Variants in CSMD3 observed in about 807,000 individuals in gnomAD.
CSMD3 encodes the protein CUB and Sushi multiple domains 3.
Under a neutral mutation model 435.2 loss-of-function variants are expected in CSMD3, and 177 were observed. That is an observed-to-expected ratio of 0.41 (90% CI 0.36 to 0.46). The LOEUF is 0.46. Ranked by LOEUF, CSMD3 falls within the 20% of genes least tolerant of loss-of-function variation. The probability of loss-of-function intolerance (pLI) is 0.34; values close to 1 mark genes in which losing one functional copy is unlikely to be tolerated. For synonymous variants in CSMD3, 1,656 were observed against 1,520.5 expected (o/e 1.09, Z -2.07); for missense variants, 4,265 against 4,504.6 (o/e 0.95, Z 1.52).
chr8:113,229,488 A>C (rs1325741655), intron 3 of CSMD3, among the ~76,000 whole-genome samples: 1 of 146,440 alleles, frequency 6.8e-6, no homozygotes, highest in African/African-American at 2.5e-5. Flanking sequence ...TTTGCCAGCA[A>C]AAAAAAAAAA....
intron 5 of CSMD3, among the ~76,000 whole-genome samples, chr8:113,028,249 GCCCATGCA>G (rs2086952748): frequency 6.9e-6 from 1 of 145,416 alleles, no homozygotes; most frequent in African/African-American, 2.4e-5. Flanking sequence ...CACAAACTGT[GCCCATGCA>G]AGATGGTGAA....
intron 22 of CSMD3, among the ~76,000 whole-genome samples, chr8:112,623,022 G>T (rs1288609557): frequency 1.3e-5 from 2 of 152,072 alleles, no homozygotes; most frequent in East Asian, 3.9e-4. Context: ...TTACAGGGCT[G>T]CTGTTCATTA....
intron 4 of CSMD3, among the ~76,000 whole-genome samples, chr8:113,147,036 G>T (rs569212629): frequency 2.6e-5 from 4 of 151,672 alleles, no homozygotes; most frequent in African/African-American, 7.2e-5. Context: ...CTATGTCATG[G>T]AACTGAAATA....
At chr8:113,406,570 A>G (rs546814248) in intron 1 of CSMD3, among the ~76,000 whole-genome samples, 2 of 152,120 alleles carry the variant, frequency 1.3e-5, no homozygotes, top group African/African-American at 4.8e-5. Flanking sequence ...AGTAAGCTCC[A>G]AAAGTTCAAT....
chr8:112,902,808 G>A (rs1319448968), intron 10 of CSMD3, among the ~76,000 whole-genome samples: 1 of 151,212 alleles, frequency 6.6e-6, no homozygotes, highest in Non-Finnish European at 1.5e-5. Flanking sequence ...TCAAAAATGG[G>A]TTGATAGTCA....
rs143394262 is a variant in CSMD3 at position 113,038,566 on chromosome 8, G to A, written c.918-19387C>T. On this transcript the variant is annotated intron_variant, in intron 5 of 70. Coordinates refer to ENST00000297405, the MANE Select transcript of CSMD3 (RefSeq NM_198123.2). Reference sequence around the variant, plus strand: ...GAGGAATCAAGGGGTACATGGCCTAGCAAATTCTCCCATCTTCTTTTATAC... The same window carrying A: ...GAGGAATCAAGGGGTACATGGCCTAACAAATTCTCCCATCTTCTTTTATAC... Among the ~76,000 whole-genome samples the A allele has an allele frequency of 1.0e-3, 152 of 152,260 alleles. 1 individual carries two copies. In the East Asian group the frequency reaches 0.021, roughly 21 times the overall value.
In CSMD3 at chr8:112,492,598, G is replaced by C. The variant is rs1361213891; in HGVS notation, c.5169C>G (p.Val1723=). ...CATAACCAGCATCACAGTAATAGGT[G>C]ACTGTTGACCCTAATTTATAATCCA... The part of the protein sequence containing the change: ...LGMDYKLGST[V]TYYCDAGYVL... The change falls in exon 31 of 71, where the codon GTC becomes GTG. Residue 1723 remains valine (V), a synonymous_variant. Transcript: ENST00000297405. The C allele has an allele frequency of 6.2e-7, 1 of 1,612,150 alleles. No individual in the cohort carries two copies.
At chr8:113,382,660 G>A (rs543704655) in intron 1 of CSMD3, among the ~76,000 whole-genome samples, 4 of 152,150 alleles carry the variant, frequency 2.6e-5, no homozygotes, top group East Asian at 1.9e-4. Context: ...TAAGCATATG[G>A]TTACTAGTCA....
intron 5 of CSMD3, among the ~76,000 whole-genome samples, chr8:113,034,661 A>C (rs144946809): frequency 6.6e-6 from 1 of 152,140 alleles, no homozygotes; most frequent in South Asian, 2.1e-4. Flanking sequence ...GACTTACACT[A>C]TAAATGGGCT....
intron 4 of CSMD3, among the ~76,000 whole-genome samples, chr8:113,156,768 ATAAATAAAT>A (rs1269761632): frequency 1.2e-4 from 18 of 149,298 alleles, no homozygotes; most frequent in Admixed American, 2.7e-4. Context: ...AAATAAATAA[ATAAATAAAT>A]AAAGTTAGCC....
At chr8:112,882,108 C>T (rs1258650101) in intron 10 of CSMD3, among the ~76,000 whole-genome samples, 2 of 151,750 alleles carry the variant, frequency 1.3e-5, no homozygotes, top group Non-Finnish European at 2.9e-5. Context: ...GAAGCCTTAG[C>T]ATAAAACTAT....
At chr8:112,386,492 A>T (rs1036575480) in intron 36 of CSMD3, among the ~76,000 whole-genome samples, 1 of 151,914 alleles carries the variant, frequency 6.6e-6, no homozygotes, top group Non-Finnish European at 1.5e-5. Flanking sequence ...ATGAAAGCCA[A>T]CCAAAGATTT....
intron 1 of CSMD3, among the ~76,000 whole-genome samples, chr8:113,382,206 A>G (rs972849590): frequency 2.0e-5 from 3 of 152,148 alleles, no homozygotes; most frequent in Non-Finnish European, 4.4e-5. Context: ...TTCTTTAAAA[A>G]CGTTGTGCTT....
chr8:112,390,883 G>A (rs1830356249), intron 35 of CSMD3, 95 bp from the exon 36 acceptor site: 1 of 1,145,408 alleles, frequency 8.7e-7, no homozygotes, highest in Admixed American at 1.9e-5. Context: ...ACAGATACTA[G>A]ACTTGCAAAT....
At chr8:112,695,268 A>G (rs1238093088) in intron 13 of CSMD3, among the ~76,000 whole-genome samples, 1 of 152,230 alleles carries the variant, frequency 6.6e-6, no homozygotes, top group Non-Finnish European at 1.5e-5. Flanking sequence ...GTAACGTTAT[A>G]GAAACCTAAA....
At chr8:113,383,838 T>C (rs1026089305) in intron 1 of CSMD3, among the ~76,000 whole-genome samples, 2 of 152,098 alleles carry the variant, frequency 1.3e-5, no homozygotes, top group Non-Finnish European at 2.9e-5. Flanking sequence ...CCAACTCTGG[T>C]TTCCTTTATT....
chr8:112,475,997 A>G (rs2130773698), intron 31 of CSMD3, among the ~76,000 whole-genome samples: 1 of 152,238 alleles, frequency 6.6e-6, no homozygotes, highest in East Asian at 1.9e-4. Flanking sequence ...ACTGCTCCTG[A>G]TTATAACTTA....
chr8:112,393,706 C>T (rs1047763129), intron 35 of CSMD3, among the ~76,000 whole-genome samples: 12 of 152,138 alleles, frequency 7.9e-5, no homozygotes, highest in Non-Finnish European at 1.8e-4. Context: ...GTGAAATAAC[C>T]ATGTCAAAGT....
intron 5 of CSMD3, among the ~76,000 whole-genome samples, chr8:113,093,276 A>T (rs1015642460): frequency 2.6e-5 from 4 of 152,096 alleles, no homozygotes; most frequent in Non-Finnish European, 5.9e-5. Context: ...GTGAACAGAA[A>T]CAAAAGATGA....
Sources: allele counts gnomAD v4.1 joint callset (sites outside exome capture counted in the v4.1 genomes callset), GRCh38; gene constraint gnomAD v4.1.1; transcripts MANE v1.5; gene names NCBI Gene and HGNC (gene_info 2026-07-23, HGNC 2026-07-21).